CENPC: variants seen among roughly 807,000 people sequenced by gnomAD.
CENPC encodes CENP-C 1.
CENPC carries 63 observed loss-of-function variants against 112.1 expected under a neutral mutation model. The observed-to-expected ratio is 0.56, with a 90% CI of 0.46 to 0.69. The LOEUF (loss-of-function observed/expected upper bound fraction) is 0.69, where lower values mean the gene tolerates loss of function less well. Among genes scored for constraint, CENPC ranks in the 30% least tolerant of loss-of-function variants. CENPC has a pLI of 0.00. For missense variants in CENPC, 1,000 were observed against 1,103.8 expected (o/e 0.91, Z 1.33); for synonymous variants, 333 against 367.6 (o/e 0.91, Z 1.08).
chr4:67,519,589 A>C, intron 5 of CENPC, 87 bp from the exon 6 acceptor site: 1 of 901,588 alleles, frequency 1.1e-6, no homozygotes, highest in Non-Finnish European at 1.6e-6. Context: ...GCAATAATTT[A>C]ATCAGAAATA....
chr4:67,529,072 T>G (rs912167723), intron 5 of CENPC, among the ~76,000 whole-genome samples: 6 of 152,200 alleles, frequency 3.9e-5, no homozygotes, highest in African/African-American at 1.4e-4. Flanking sequence ...TGACTGAAGA[T>G]TTCAAGCATC....
Position 67,526,339 on chromosome 4 carries a change from T to A in CENPC, c.331+4476A>T, listed in dbSNP as rs78092877. The stretch of plus-strand genomic sequence containing the variant: ...ATCCCAGAACTTAAAGTAAAAAAAA[T>A]ATTTAAAAAAACTCAAAAAAAAAAT... On this transcript the variant is annotated intron_variant, in intron 5 of 18. Transcript: ENST00000273853. 3.9e-3 allele frequency among the ~76,000 whole-genome samples: 579 copies of A among 146,634 alleles called. 4 individuals are homozygous for A. The highest frequency in any genetic ancestry group is 0.015 in the African/African-American group (559 of 37,312).
chr4:67,522,926 G>GGAGGCGGAGGTT, intron 5 of CENPC, among the ~76,000 whole-genome samples: 1 of 152,252 alleles, frequency 6.6e-6, no homozygotes, highest in African/African-American at 2.4e-5. Flanking sequence ...CTTGAACTCA[G>GGAGGCGGAGGTT]GAGGCGGAGG....
rs1362304397 is a variant in CENPC, at chr4:67,514,118, T to C, written c.1400A>G (p.Glu467Gly). 1 of 1,605,600 alleles carries C rather than the reference T, an allele frequency of 6.2e-7. No homozygotes were observed. Among genetic ancestry groups the C allele is most frequent in the Non-Finnish European group, 8.5e-7 (1 of 1,177,206 alleles). Residue 467 changes from glutamate to glycine, a missense_variant, in exon 8 of 19, where the codon GAG becomes GGG. Glu to Gly is a moderately conservative substitution (Grantham distance 98). Coordinates refer to ENST00000273853, the MANE Select transcript of CENPC (RefSeq NM_001812.4). ...TTTGGAAACACAATCATTTCCCATCTCTTCATGCTCTTCCATATTTCTGTC... is the reference window on the plus strand; with the variant it reads ...TTTGGAAACACAATCATTTCCCATCCCTTCATGCTCTTCCATATTTCTGTC... ...NSDRNMEEHEEMGNDCVSKKQ... is the reference protein window; with the variant it reads ...NSDRNMEEHEGMGNDCVSKKQ...
chr4:67,522,756 T>C (rs1273339304), intron 5 of CENPC, among the ~76,000 whole-genome samples: 4 of 152,038 alleles, frequency 2.6e-5, no homozygotes, highest in Non-Finnish European at 5.9e-5. Flanking sequence ...TCCCAGCACT[T>C]TGGGAGGCCA....
chr4:67,506,315 T>C (rs1725731681), intron 11 of CENPC, among the ~76,000 whole-genome samples: 1 of 152,186 alleles, frequency 6.6e-6, no homozygotes, highest in South Asian at 2.1e-4. Context: ...TTGTTTCTAA[T>C]GAACAGAATA....
intron 18 of CENPC, chr4:67,474,612 C>T (rs1724754323): frequency 6.2e-6 from 2 of 322,094 alleles, no homozygotes; most frequent in South Asian, 3.1e-5. Context: ...GCACAAGAAT[C>T]GCTTGAACCC....
At chr4:67,473,914 C>T (rs1302612487) in intron 18 of CENPC, among the ~76,000 whole-genome samples, 2 of 152,132 alleles carry the variant, frequency 1.3e-5, no homozygotes, top group African/African-American at 2.4e-5. Flanking sequence ...TGCCTATTTA[C>T]AATAACTTCT....
chr4:67,478,666 A>ACACACACACACACACACACAC (rs146500743), intron 17 of CENPC, among the ~76,000 whole-genome samples: 1 of 76,526 alleles, frequency 1.3e-5, no homozygotes, highest in South Asian at 3.4e-4. Flanking sequence ...ACACACACAC[A>ACACACACACACACACACACAC]CCCAAAGTAT....
At chr4:67,535,114 T>C (rs1174676902) in intron 4 of CENPC, among the ~76,000 whole-genome samples, 5 of 151,950 alleles carry the variant, frequency 3.3e-5, no homozygotes, top group African/African-American at 9.7e-5. Flanking sequence ...TAAGGGAAAA[T>C]ACACCTGACT....
intron 4 of CENPC, among the ~76,000 whole-genome samples, chr4:67,536,758 A>C (rs955130999): frequency 1.3e-5 from 2 of 151,348 alleles, no homozygotes; most frequent in African/African-American, 4.8e-5. Context: ...AATAAAAATA[A>C]AGAATATATG....
chr4:67,481,950 A>C (rs958698035), intron 17 of CENPC, among the ~76,000 whole-genome samples: 3 of 152,230 alleles, frequency 2.0e-5, no homozygotes, highest in Non-Finnish European at 4.4e-5. Context: ...TAATTGGCAG[A>C]GTAAACAGGC....
chr4:67,495,277 T>C (rs1725400601), intron 12 of CENPC, 65 bp from the exon 13 acceptor site: 1 of 1,377,968 alleles, frequency 7.3e-7, no homozygotes, highest in Non-Finnish European at 9.8e-7. Flanking sequence ...TTAAAATGTG[T>C]TTCCTGGTCA....
chr4:67,476,336 G>A (rs1434994756), intron 17 of CENPC, among the ~76,000 whole-genome samples: 1 of 152,176 alleles, frequency 6.6e-6, no homozygotes, highest in Non-Finnish European at 1.5e-5. Flanking sequence ...ACAACCGTGA[G>A]TGCCCAAAGT....
At position 67,472,318 on chromosome 4, in the gene CENPC, G is replaced by A. The variant is rs200306120; in HGVS notation, c.*287C>T. On this transcript the variant is annotated 3_prime_UTR_variant, in exon 19 of 19. Coordinates refer to ENST00000273853, the MANE Select transcript of CENPC (RefSeq NM_001812.4). Reference sequence around the variant, plus strand: ...TTTAATGAGTAGACATATTAATCAGGTCTCTTTTGACACAGAAATGTTCTA... The same window carrying A: ...TTTAATGAGTAGACATATTAATCAGATCTCTTTTGACACAGAAATGTTCTA... The A allele has an allele frequency of 4.6e-4, 95 of 207,840 alleles. 1 individual carries two copies. The East Asian group carries it at 9.6e-3, about 21-fold the overall frequency. 12.9% of individuals were successfully genotyped at this position (207,840 alleles called of 1,614,324 possible).
At chr4:67,483,520 A>G (rs569699245) in intron 17 of CENPC, among the ~76,000 whole-genome samples, 1 of 151,908 alleles carries the variant, frequency 6.6e-6, no homozygotes, top group African/African-American at 2.4e-5. Context: ...TTTATCCATT[A>G]CCTTAGAGTG....
intron 9 of CENPC, 102 bp from the exon 10 acceptor site, chr4:67,509,207 T>TACACACACAC (rs36207189): frequency 4.3e-4 from 211 of 486,082 alleles, no homozygotes; most frequent in Non-Finnish European, 6.0e-4. Flanking sequence ...CATATACACA[T>TACACACACAC]ACACACACAC....
chr4:67,472,562 CATATACAT>C lies in CENPC; in HGVS notation c.*35_*42del, dbSNP rs1365064495. 3.7e-6 allele frequency: 5 copies of C among 1,359,648 alleles called. No homozygotes were observed. The African/African-American group carries it at 6.0e-5, about 16-fold the overall frequency. 84.2% of individuals were successfully genotyped at this position (1,359,648 alleles called of 1,614,324 possible). A position where few individuals can be genotyped will look rare whatever the true frequency, so the allele number is the denominator to read the frequency against. ...TTCCAACTATACAAACTGTTTTTCA[CATATACAT>C]ATATACATACATATATTTAAGGTTG... On this transcript the variant is annotated 3_prime_UTR_variant, in exon 19 of 19. Transcript: ENST00000273853.
chr4:67,523,046 T>C (rs1476691659), intron 5 of CENPC, among the ~76,000 whole-genome samples: 3 of 151,832 alleles, frequency 2.0e-5, no homozygotes, highest in Admixed American at 2.0e-4. Context: ...GCATGGTGGC[T>C]CACACTTATA....
Sources: allele counts gnomAD v4.1 joint callset (sites outside exome capture counted in the v4.1 genomes callset), GRCh38; gene constraint gnomAD v4.1.1; transcripts MANE v1.5; gene names NCBI Gene and HGNC (gene_info 2026-07-23, HGNC 2026-07-21).